Variants in MAML2 observed in about 807,000 individuals in gnomAD.
The protein encoded by MAML2 is mastermind-like protein 2.
In MAML2, 22 loss-of-function variants were observed where a neutral mutation model predicts 96.1. The observed-to-expected ratio is 0.23, with a 90% CI of 0.16 to 0.33. The LOEUF is 0.33. Among genes scored for constraint, MAML2 ranks in the 10% least tolerant of loss-of-function variants. The pLI, the probability that MAML2 is intolerant of heterozygous loss-of-function variation, is 1.00. For synonymous variants in MAML2, 561 were observed against 521.3 expected (o/e 1.08, Z -1.04); for missense variants, 1,367 against 1,392.4 (o/e 0.98, Z 0.29).
At chr11:96,167,930 T>C (rs891323807) in intron 1 of MAML2, among the ~76,000 whole-genome samples, 1 of 152,216 alleles carries the variant, frequency 6.6e-6, no homozygotes, top group African/African-American at 2.4e-5. Flanking sequence ...AACAAGCATA[T>C]GTAATGACCT....
chr11:96,055,280 G>C (rs1333488400), intron 2 of MAML2, among the ~76,000 whole-genome samples: 1 of 152,096 alleles, frequency 6.6e-6, no homozygotes, highest in Non-Finnish European at 1.5e-5. Context: ...AATTTGAAAG[G>C]AAACATAATC....
chr11:96,084,528 G>A (rs1057178150), intron 2 of MAML2, among the ~76,000 whole-genome samples: 5 of 152,108 alleles, frequency 3.3e-5, no homozygotes, highest in African/African-American at 1.2e-4. Flanking sequence ...TCCCAGCATG[G>A]GAACATCCCT....
At chr11:96,094,854 A>G (rs1286345163) in intron 1 of MAML2, among the ~76,000 whole-genome samples, 1 of 152,084 alleles carries the variant, frequency 6.6e-6, no homozygotes, top group Non-Finnish European at 1.5e-5. Context: ...CACTTCTCCT[A>G]TCTTCTCTTC....
intron 1 of MAML2, among the ~76,000 whole-genome samples, chr11:96,326,642 C>T (rs924423327): frequency 3.2e-4 from 48 of 151,782 alleles, no homozygotes; most frequent in Admixed American, 1.1e-3. Flanking sequence ...TGAAAAAATA[C>T]AAAAAATTAG....
In MAML2 at chr11:96,255,937, G is replaced by A. The variant is rs1030212479; in HGVS notation, c.513+85446C>T. Among the ~76,000 whole-genome samples the A allele has an allele frequency of 5.3e-4, 75 of 140,404 alleles. No individual in the cohort carries two copies. In the Admixed American group the frequency reaches 5.6e-3, roughly 11 times the overall value. 92.1% of individuals were successfully genotyped at this position (140,404 alleles called of 152,430 possible). A position where few individuals can be genotyped will look rare whatever the true frequency, so the allele number is the denominator to read the frequency against. ...TGCCCAGGCTGAAGTGCAATGGCGCGATCTTGGCTTACTGCAACCTCTGCC... is the reference window on the plus strand; with the variant it reads ...TGCCCAGGCTGAAGTGCAATGGCGCAATCTTGGCTTACTGCAACCTCTGCC... On this transcript the variant is annotated intron_variant, in intron 1 of 4. Coordinates refer to ENST00000524717, the MANE Select transcript of MAML2 (RefSeq NM_032427.4).
At chr11:96,069,078 G>A (rs1457908504) in intron 2 of MAML2, among the ~76,000 whole-genome samples, 1 of 151,832 alleles carries the variant, frequency 6.6e-6, no homozygotes, top group Non-Finnish European at 1.5e-5. Flanking sequence ...ACAGGCATGT[G>A]CCACCAGCCC....
rs34658278 is a variant in MAML2, at chr11:96,312,219, C to CAAA, written c.513+29161_513+29163dup. ...TGGGCGACAGAGCAAGACTCTATCTCAAAAAAAAAAAAAAAAAAAAAAAAA... is the reference window on the plus strand; with the variant it reads ...TGGGCGACAGAGCAAGACTCTATCTCAAAAAAAAAAAAAAAAAAAAAAAAAAAA... On this transcript the variant is annotated intron_variant, in intron 1 of 4. Coordinates refer to ENST00000524717, the MANE Select transcript of MAML2 (RefSeq NM_032427.4). Among the ~76,000 whole-genome samples the CAAA allele has an allele frequency of 2.3e-4, 12 of 51,556 alleles. 1 individual carries two copies. The highest frequency in any genetic ancestry group is 9.9e-4 in the South Asian group (1 of 1,010). 33.8% of individuals were successfully genotyped at this position (51,556 alleles called of 152,430 possible).
At chr11:96,318,066 T>C (rs1427698134) in intron 1 of MAML2, among the ~76,000 whole-genome samples, 1 of 152,212 alleles carries the variant, frequency 6.6e-6, no homozygotes, top group African/African-American at 2.4e-5. Context: ...ATCTTGGATA[T>C]TTTGGGTTGA....
chr11:95,988,061 G>A (rs1664369372), intron 3 of MAML2, among the ~76,000 whole-genome samples: 1 of 151,626 alleles, frequency 6.6e-6, no homozygotes, highest in African/African-American at 2.4e-5. Context: ...AAAAGCATCT[G>A]TCATTCTTTC....
intron 1 of MAML2, among the ~76,000 whole-genome samples, chr11:96,154,770 G>A (rs550141439): frequency 1.9e-4 from 29 of 152,312 alleles, no homozygotes; most frequent in African/African-American, 6.7e-4. Flanking sequence ...TTCAGGATGT[G>A]ACAAGATAGT....
At chr11:96,274,453 G>T (rs1259335161) in intron 1 of MAML2, among the ~76,000 whole-genome samples, 1 of 151,984 alleles carries the variant, frequency 6.6e-6, no homozygotes, top group Non-Finnish European at 1.5e-5. Context: ...CTCTACTATA[G>T]CTTTCCTGTT....
At chr11:95,996,967 G>A (rs1012266107) in intron 2 of MAML2, among the ~76,000 whole-genome samples, 1 of 152,184 alleles carries the variant, frequency 6.6e-6, no homozygotes, top group Non-Finnish European at 1.5e-5. Flanking sequence ...ATGTGTGTAT[G>A]TGTGCATGCA....
chr11:96,285,730 A>T (rs12588837), intron 1 of MAML2, among the ~76,000 whole-genome samples: 1 of 152,182 alleles, frequency 6.6e-6, no homozygotes, highest in African/African-American at 2.4e-5. Context: ...AAAAAGCTCA[A>T]CATCACTGAT....
At chr11:96,004,337 A>C (rs1858143646) in intron 2 of MAML2, among the ~76,000 whole-genome samples, 1 of 152,214 alleles carries the variant, frequency 6.6e-6, no homozygotes, top group Non-Finnish European at 1.5e-5. Context: ...TTAGTTCTTA[A>C]ATCAAAATGA....
At chr11:95,992,603 A>G (rs1857930695) in intron 2 of MAML2, among the ~76,000 whole-genome samples, 1 of 152,246 alleles carries the variant, frequency 6.6e-6, no homozygotes, top group African/African-American at 2.4e-5. Flanking sequence ...CACCTTAGAG[A>G]ATTTATCACC....
chr11:96,201,057 A>G (rs1464200526), intron 1 of MAML2, among the ~76,000 whole-genome samples: 1 of 152,224 alleles, frequency 6.6e-6, no homozygotes, highest in African/African-American at 2.4e-5. Flanking sequence ...AAAGAAAAAA[A>G]AGTCTCATTT....
chr11:96,027,438 A>G (rs1858543115), intron 2 of MAML2, among the ~76,000 whole-genome samples: 2 of 152,028 alleles, frequency 1.3e-5, no homozygotes, highest in Non-Finnish European at 2.9e-5. Context: ...TTGACTCCAA[A>G]CCTCCCTCGT....
intron 1 of MAML2, among the ~76,000 whole-genome samples, chr11:96,192,921 A>G (rs1861675047): frequency 6.6e-6 from 1 of 152,226 alleles, no homozygotes; most frequent in South Asian, 2.1e-4. Context: ...GAACTATTTT[A>G]AAATCAAAAT....
At chr11:96,149,898 G>T (rs961055120) in intron 1 of MAML2, among the ~76,000 whole-genome samples, 2 of 151,936 alleles carry the variant, frequency 1.3e-5, no homozygotes, top group African/African-American at 2.4e-5. Flanking sequence ...GCCTGGCTCT[G>T]CCTGTCTCTC....
Sources: allele counts gnomAD v4.1 joint callset (sites outside exome capture counted in the v4.1 genomes callset), GRCh38; gene constraint gnomAD v4.1.1; transcripts MANE v1.5; gene names NCBI Gene and HGNC (gene_info 2026-07-23, HGNC 2026-07-21).